The following QTMAN variants were observed in gnomAD, a reference collection of about 807,000 sequenced individuals.
QTMAN encodes the protein tRNA-queuosine alpha-mannosyltransferase.
At chr2:144,034,957 A>G in the QTMAN span, among the ~76,000 whole-genome samples, 1 of 152,234 alleles carries the variant, frequency 6.6e-6, no homozygotes, top group East Asian at 1.9e-4. Flanking sequence ...GCTTAGCCAT[A>G]TCCTCTAGTA....
At chr2:144,063,073 A>G in the QTMAN span, among the ~76,000 whole-genome samples, 1 of 152,086 alleles carries the variant, frequency 6.6e-6, no homozygotes, top group Non-Finnish European at 1.5e-5. Flanking sequence ...GGTCTATGGG[A>G]AAAAACTCTC....
chr2:144,118,830 G>A, the QTMAN span, among the ~76,000 whole-genome samples: 444 of 152,252 alleles, frequency 2.9e-3, 2 homozygotes, highest in Non-Finnish European at 4.3e-3. Context: ...GCAGTGAGCC[G>A]AGATCGCACC....
At chr2:143,982,947 C>G in the QTMAN span, among the ~76,000 whole-genome samples, 1 of 148,688 alleles carries the variant, frequency 6.7e-6, no homozygotes, top group Non-Finnish European at 1.5e-5. Context: ...ATCATTTTAA[C>G]AAAATTGGCT....
chr2:143,985,559 T>C, the QTMAN span, among the ~76,000 whole-genome samples: 4 of 152,178 alleles, frequency 2.6e-5, no homozygotes. Flanking sequence ...ATAAAAGTAA[T>C]CTTTTAAAAG....
At chr2:144,304,688 T>C in the QTMAN span, among the ~76,000 whole-genome samples, 1 of 152,174 alleles carries the variant, frequency 6.6e-6, no homozygotes, top group Non-Finnish European at 1.5e-5. Flanking sequence ...CAAGTAGGCC[T>C]CCCACCTCAG....
the QTMAN span, among the ~76,000 whole-genome samples, chr2:144,182,226 T>C: frequency 2.6e-5 from 4 of 152,232 alleles, no homozygotes; most frequent in Admixed American, 6.5e-5. Context: ...ACCATTTTAG[T>C]GTAGATATAA....
the QTMAN span, among the ~76,000 whole-genome samples, chr2:144,133,078 T>C: frequency 3.4e-5 from 4 of 117,862 alleles, no homozygotes; most frequent in Non-Finnish European, 5.1e-5. Context: ...CTGATTTACA[T>C]CTTTTAATAC....
the QTMAN span, among the ~76,000 whole-genome samples, chr2:143,960,021 T>C: frequency 6.6e-6 from 1 of 152,052 alleles, no homozygotes; most frequent in East Asian, 1.9e-4. Flanking sequence ...AGTAAGAATA[T>C]GTATTATAAA....
the QTMAN span, among the ~76,000 whole-genome samples, chr2:144,247,827 G>A: frequency 1.3e-5 from 2 of 152,050 alleles, no homozygotes; most frequent in Non-Finnish European, 2.9e-5. Context: ...ACAGGCACAC[G>A]CCACCACACC....
At chr2:144,121,194 T>G in the QTMAN span, among the ~76,000 whole-genome samples, 1 of 152,016 alleles carries the variant, frequency 6.6e-6, no homozygotes, top group Non-Finnish European at 1.5e-5. Flanking sequence ...AGTCTAGGGA[T>G]AGTGGACTGG....
At chr2:144,250,246 C>T in the QTMAN span, among the ~76,000 whole-genome samples, 2 of 151,772 alleles carry the variant, frequency 1.3e-5, no homozygotes, top group African/African-American at 4.8e-5. Context: ...CAGGTTCCAG[C>T]GATTCTCCTG....
At chr2:144,283,481 G>A in the QTMAN span, among the ~76,000 whole-genome samples, 4 of 152,040 alleles carry the variant, frequency 2.6e-5, no homozygotes, top group African/African-American at 7.2e-5. Flanking sequence ...GACAGACCTC[G>A]GAGGGAGTGA....
the QTMAN span, among the ~76,000 whole-genome samples, chr2:144,084,417 C>A: frequency 3.5e-4 from 54 of 152,190 alleles, no homozygotes; most frequent in African/African-American, 1.3e-3. Context: ...TTTAATTCCT[C>A]ACAGTGGATC....
chr2:144,332,668 C>T, the QTMAN span: 2 of 151,864 alleles, frequency 1.3e-5, no homozygotes, highest in East Asian at 2.0e-4. Context: ...GGCGCGAGGT[C>T]CCTGAGTCAG....
chr2:144,061,654 C>A, the QTMAN span, among the ~76,000 whole-genome samples: 6 of 152,126 alleles, frequency 3.9e-5, no homozygotes, highest in African/African-American at 1.4e-4. Context: ...GCTGCTGATA[C>A]AGAAGGGCTG....
At chr2:144,019,147 G>A in the QTMAN span, among the ~76,000 whole-genome samples, 1 of 152,156 alleles carries the variant, frequency 6.6e-6, no homozygotes, top group Non-Finnish European at 1.5e-5. Flanking sequence ...AATGACACAA[G>A]TGAGGGGTCA....
the QTMAN span, among the ~76,000 whole-genome samples, chr2:144,142,464 G>A: frequency 4.6e-5 from 7 of 151,664 alleles, no homozygotes; most frequent in African/African-American, 9.7e-5. Flanking sequence ...CCATACTACC[G>A]AGAACAGAGC....
the QTMAN span, among the ~76,000 whole-genome samples, chr2:144,034,727 A>C: frequency 6.6e-6 from 1 of 152,170 alleles, no homozygotes; most frequent in Non-Finnish European, 1.5e-5. Flanking sequence ...GAGTTCAATT[A>C]AAGTCAATGT....
At chr2:144,263,325 T>C in the QTMAN span, among the ~76,000 whole-genome samples, 2 of 152,166 alleles carry the variant, frequency 1.3e-5, no homozygotes, top group Non-Finnish European at 2.9e-5. Flanking sequence ...TGACCTCTGA[T>C]GGTCTCTTTT....
Sources: allele counts gnomAD v4.1 joint callset (sites outside exome capture counted in the v4.1 genomes callset), GRCh38; gene constraint gnomAD v4.1.1; transcripts MANE v1.5; gene names NCBI Gene and HGNC (gene_info 2026-07-23, HGNC 2026-07-21).